Variants in ZNF765 observed in about 807,000 individuals in gnomAD.
The protein encoded by ZNF765 is zinc finger protein 765.
ZNF765 carries 37 observed loss-of-function variants against 44.7 expected under a neutral mutation model. The observed-to-expected ratio is 0.83, with a 90% CI of 0.64 to 1.09. ZNF765 has a LOEUF of 1.09. Among genes scored for constraint, ZNF765 ranks in the 50% least tolerant of loss-of-function variants. The pLI, the probability that ZNF765 is intolerant of heterozygous loss-of-function variation, is 0.00. For synonymous variants in ZNF765, 201 were observed against 213.7 expected (o/e 0.94, Z 0.52); for missense variants, 594 against 626.1 (o/e 0.95, Z 0.55).
chr19:53,417,738 G>A (rs11671655), intron 3 of ZNF765, among the ~76,000 whole-genome samples: 28,316 of 152,052 alleles, frequency 0.19, 2,805 homozygotes, highest in East Asian at 0.36. Flanking sequence ...GTAAACTAAC[G>A]GCTTCATGTT....
At chr19:53,420,748 A>C (rs2085902092) in intron 3 of ZNF765, among the ~76,000 whole-genome samples, 1 of 152,184 alleles carries the variant, frequency 6.6e-6, no homozygotes, top group Non-Finnish European at 1.5e-5. Flanking sequence ...TTTGTTAAAA[A>C]AGTGCTTGCA....
intron 2 of ZNF765, 74 bp downstream of exon 2, chr19:53,398,104 C>T: frequency 3.1e-6 from 5 of 1,611,714 alleles, no homozygotes; most frequent in South Asian, 1.1e-5. Context: ...TTGGAATCTT[C>T]TCTGAGTCTG....
At chr19:53,402,941 C>T (rs1441063846) in intron 3 of ZNF765, among the ~76,000 whole-genome samples, 2 of 152,076 alleles carry the variant, frequency 1.3e-5, no homozygotes, top group Admixed American at 1.3e-4. Flanking sequence ...CTTCGGGAGG[C>T]TGAGGTGGGT....
At chr19:53,398,175 C>A in intron 2 of ZNF765, 145 bp downstream of exon 2, 1 of 1,490,606 alleles carries the variant, frequency 6.7e-7, no homozygotes, top group Non-Finnish European at 9.3e-7. Context: ...TCCCTCTTAT[C>A]TTGCTTAGAT....
At chr19:53,419,662 T>C (rs2085895897) in intron 3 of ZNF765, among the ~76,000 whole-genome samples, 1 of 152,160 alleles carries the variant, frequency 6.6e-6, no homozygotes, top group Non-Finnish European at 1.5e-5. Flanking sequence ...TTCTACAATG[T>C]ATACAGAGAT....
At chr19:53,401,222 A>G (rs1352364140) in intron 2 of ZNF765, among the ~76,000 whole-genome samples, 1 of 152,140 alleles carries the variant, frequency 6.6e-6, no homozygotes, top group Admixed American at 6.5e-5. Context: ...TGAAGACATC[A>G]TTCATACTCT....
Position 53,401,007 on chromosome 19 carries a change from AT to A in ZNF765, c.16-1044del, listed in dbSNP as rs928781438. Among the ~76,000 whole-genome samples the A allele has an allele frequency of 3.3e-3, 473 of 142,236 alleles. 2 individuals carry two copies. Among genetic ancestry groups the A allele is most frequent in the African/African-American group, 6.3e-3 (247 of 39,082 alleles). The allele number at this position is 142,236 out of a possible 152,430, so 93.3% of individuals were successfully genotyped here. ...GCCACCATGCCTCGCTAATTCGCTA[AT>A]TTTTTTTTTTTTTGGAGATGGAGTA... On this transcript the variant is annotated intron_variant, in intron 2 of 3. Coordinates refer to ENST00000396408, the MANE Select transcript of ZNF765 (RefSeq NM_001040185.3).
chr19:53,401,354 G>A (rs890853229), intron 2 of ZNF765, among the ~76,000 whole-genome samples: 3 of 152,054 alleles, frequency 2.0e-5, no homozygotes, highest in Non-Finnish European at 4.4e-5. Flanking sequence ...ACGAGATCAG[G>A]AGATCAAGAC....
Position 53,396,172 on chromosome 19 carries a change from C to T in ZNF765, c.-74+979C>T, listed in dbSNP as rs367716566. 7.8e-3 allele frequency among the ~76,000 whole-genome samples: 1,155 copies of T among 148,934 alleles called. 12 individuals are homozygous for T. The highest frequency in any genetic ancestry group is 0.026 in the African/African-American group (1,023 of 39,994). On this transcript the variant is annotated intron_variant, in intron 1 of 3. Coordinates refer to ENST00000396408, the MANE Select transcript of ZNF765 (RefSeq NM_001040185.3). ...CCAGGGCAGACAGAGCAGAGTGGTG[C>T]TGGTGGCAAGGAGAACAGAGGGAGA...
At chr19:53,400,401 G>C (rs758562384) in intron 2 of ZNF765, among the ~76,000 whole-genome samples, 2 of 152,012 alleles carry the variant, frequency 1.3e-5, no homozygotes, top group South Asian at 2.1e-4. Context: ...GATATCTCAC[G>C]ATTCCTCCAG....
At chr19:53,419,424 AAACAT>A (rs2147107007) in intron 3 of ZNF765, among the ~76,000 whole-genome samples, 1 of 152,290 alleles carries the variant, frequency 6.6e-6, no homozygotes, top group African/African-American at 2.4e-5. Flanking sequence ...TCTCTATTGA[AAACAT>A]AAGGAGTCTG....
intron 1 of ZNF765, among the ~76,000 whole-genome samples, chr19:53,396,337 G>T (rs530137970): frequency 1.3e-5 from 2 of 150,624 alleles, no homozygotes; most frequent in South Asian, 4.2e-4. Context: ...AGAGAGACCG[G>T]TATGCGGGAG....
chr19:53,411,020 G>A lies in ZNF765; in HGVS notation c.*1893G>A, dbSNP rs2085828696. ...GAGATAGTTGTTCCAAATACAATGT[G>A]TATAGCAAACCATCAAGCATTAATT... is the stretch of plus-strand genomic sequence containing the variant. On this transcript the variant is annotated 3_prime_UTR_variant, in exon 4 of 4. Transcript: ENST00000396408. The A allele has an allele frequency of 3.0e-6, 1 of 331,344 alleles. No individual in the cohort carries two copies. The allele number at this position is 331,344 out of a possible 1,614,324, so 20.5% of individuals were successfully genotyped here. A position where few individuals can be genotyped will look rare whatever the true frequency, so the allele number is the denominator to read the frequency against.
In ZNF765 at chr19:53,410,526, G is replaced by C. The variant is rs2085823873; in HGVS notation, c.*1399G>C. On this transcript the variant is annotated 3_prime_UTR_variant, in exon 4 of 4. Transcript: ENST00000396408. ...GCTTACAAGTATAATGAATGTGACA[G>C]GTCTTTAGTGGGCAGTCAACACTTG... 9.8e-6 allele frequency: 4 copies of C among 410,174 alleles called. No homozygotes were observed. Among genetic ancestry groups the C allele is most frequent in the Non-Finnish European group, 2.0e-5 (4 of 204,070 alleles). The allele number at this position is 410,174 out of a possible 1,614,324, so 25.4% of individuals were successfully genotyped here.
At chr19:53,416,282 T>C (rs2085874655), downstream of ZNF765, among the ~76,000 whole-genome samples, 1 of 152,118 alleles carries the variant, frequency 6.6e-6, no homozygotes, top group African/African-American at 2.4e-5. Flanking sequence ...AGCGGGTGCC[T>C]TTAGTCCCAC....
At chr19:53,426,927 G>A (rs903212042) in exon 4 of ZNF765, 3 of 149,764 alleles carry the variant, frequency 2.0e-5, no homozygotes, top group Non-Finnish European at 4.4e-5. Context: ...GTCTCAGCAG[G>A]CTCCTGCAGG....
chr19:53,413,090 A>T, downstream of ZNF765: 1 of 376,214 alleles, frequency 2.7e-6, no homozygotes, highest in Non-Finnish European at 5.0e-6. Flanking sequence ...AGCCTGCGCA[A>T]CAAGAGCGAA....
intron 1 of ZNF765, among the ~76,000 whole-genome samples, chr19:53,396,250 G>A (rs1370920451): frequency 3.9e-5 from 6 of 152,048 alleles, no homozygotes; most frequent in Non-Finnish European, 8.8e-5. Flanking sequence ...GTGGGGATGA[G>A]GGTATAACAG....
At chr19:53,412,858 C>T (rs1027240745), downstream of ZNF765, among the ~76,000 whole-genome samples, 7 of 151,934 alleles carry the variant, frequency 4.6e-5, no homozygotes, top group South Asian at 2.1e-4. Context: ...TTGTTTGTGC[C>T]GCAATGAAGA....
Sources: gnomAD v4.1 joint callset for allele counts (sites outside exome capture counted in the v4.1 genomes callset) on GRCh38, gnomAD v4.1.1 for gene constraint, MANE v1.5 for transcripts, NCBI Gene and HGNC (gene_info 2026-07-23, HGNC 2026-07-21) for gene names.